PPP1R13B: variants seen among roughly 807,000 people sequenced by gnomAD.
PPP1R13B encodes the protein apoptosis-stimulating of p53 protein 1.
Under a neutral mutation model 119.8 loss-of-function variants are expected in PPP1R13B, and 44 were observed. The observed-to-expected ratio is 0.37, with a 90% confidence interval of 0.29 to 0.47. PPP1R13B has a LOEUF of 0.47. Ranked by LOEUF, PPP1R13B falls within the 20% of genes least tolerant of loss-of-function variation. The pLI is 0.99. For missense variants in PPP1R13B, 1,227 were observed against 1,413.5 expected, an observed-to-expected ratio of 0.87 and a Z score of 2.12; for synonymous variants, 542 against 561.5, an observed-to-expected ratio of 0.97 and a Z score of 0.49.
In PPP1R13B at chr14:103,762,757, C is replaced by T. The variant is rs528319547; in HGVS notation, c.355-5006G>A. The T allele has an allele frequency of 2.9e-5, 20 of 692,938 alleles. No homozygotes were observed. The Admixed American group carries it at 3.7e-4, about 13-fold the overall frequency. 42.9% of individuals were successfully genotyped at this position (692,938 alleles called of 1,614,324 possible). A position where few individuals can be genotyped will look rare whatever the true frequency, so the allele number is the denominator to read the frequency against. On this transcript the variant is annotated intron_variant, in intron 4 of 16. Transcript: ENST00000202556. ...GGTGAGACGGATGGGGGTGGAGGCG[C>T]TGCTGCTGTGGGGGCAGGTGGTGGC...
intron 4 of PPP1R13B, among the ~76,000 whole-genome samples, chr14:103,765,123 A>T (rs2084909602): frequency 6.6e-6 from 1 of 152,172 alleles, no homozygotes; most frequent in African/African-American, 2.4e-5. Context: ...CGGCCAACAC[A>T]GCTGTTCTAT....
chr14:103,835,611 TA>T (rs2152081778), intron 1 of PPP1R13B, among the ~76,000 whole-genome samples: 1 of 118,542 alleles, frequency 8.4e-6, no homozygotes, highest in Admixed American at 8.0e-5. Context: ...TATTTTTATT[TA>T]TTTATTTTTT....
chr14:103,805,740 T>G (rs2086002227), intron 1 of PPP1R13B, among the ~76,000 whole-genome samples: 1 of 152,208 alleles, frequency 6.6e-6, no homozygotes. Context: ...GGATGAACTT[T>G]GAAAATACTA....
intron 7 of PPP1R13B, among the ~76,000 whole-genome samples, chr14:103,750,970 A>G (rs544657412): frequency 6.6e-6 from 1 of 151,962 alleles, no homozygotes; most frequent in East Asian, 1.9e-4. Context: ...CCTGGCCAAC[A>G]TGGTGAAACT....
chr14:103,748,422 G>A (rs1336474978), intron 8 of PPP1R13B, among the ~76,000 whole-genome samples: 2 of 152,160 alleles, frequency 1.3e-5, no homozygotes, highest in Non-Finnish European at 2.9e-5. Flanking sequence ...ACTCCCCCTA[G>A]GCAAAGGCCT....
intron 3 of PPP1R13B, among the ~76,000 whole-genome samples, chr14:103,780,693 A>G (rs2085316718): frequency 6.6e-6 from 1 of 151,248 alleles, no homozygotes; most frequent in Non-Finnish European, 1.5e-5. Context: ...GCACACCTGT[A>G]GTCCCAGCTA....
Position 103,784,891 on chromosome 14 carries a change from T to C in PPP1R13B, c.181A>G (p.Met61Val), listed in dbSNP as rs1254224361. The change falls in exon 3 of 17, where the codon ATG becomes GTG. Residue 61 changes from methionine (M) to valine (V), a missense_variant. Transcript: ENST00000202556. ...CATTTCTGAAGATGTTCGTACATCATATGATCAAAGGGTATGGGACGTTCT... is the reference window on the plus strand; with the variant it reads ...CATTTCTGAAGATGTTCGTACATCACATGATCAAAGGGTATGGGACGTTCT... ...GNERPIPFDH[M>V]MYEHLQKWGP... 9 of 1,603,932 alleles carry C rather than the reference T, an allele frequency of 5.6e-6. No homozygotes were observed. The highest frequency in any genetic ancestry group is 7.7e-6 in the Non-Finnish European group (9 of 1,172,142).
At chr14:103,831,945 C>A (rs1427608012) in intron 1 of PPP1R13B, among the ~76,000 whole-genome samples, 3 of 151,052 alleles carry the variant, frequency 2.0e-5, no homozygotes, top group Admixed American at 1.3e-4. Context: ...CAAAAAAAAA[C>A]AACACCAAAA....
At chr14:103,798,318 A>AT (rs2085811232) in intron 1 of PPP1R13B, among the ~76,000 whole-genome samples, 1 of 151,668 alleles carries the variant, frequency 6.6e-6, no homozygotes, top group Non-Finnish European at 1.5e-5. Context: ...CGCCCGGCTA[A>AT]TTTTTTATAT....
intron 1 of PPP1R13B, among the ~76,000 whole-genome samples, chr14:103,798,628 A>G (rs923459840): frequency 6.6e-6 from 1 of 152,222 alleles, no homozygotes; most frequent in Admixed American, 6.5e-5. Context: ...ATATCACAGT[A>G]AAAGAAAAAT....
In PPP1R13B at chr14:103,770,566, C is replaced by G. The variant is rs565169710; in HGVS notation, c.354+8179G>C. Among the ~76,000 whole-genome samples the G allele has an allele frequency of 3.4e-4, 52 of 151,964 alleles. 1 individual carries two copies. In the South Asian group the frequency reaches 0.011, roughly 31 times the overall value. On this transcript the variant is annotated intron_variant, in intron 4 of 16. Transcript: ENST00000202556. ...ATTCAATTCAATACACATTTATACC[C>G]AAGGCAAGATGCTAGGAATAATTAG...
chr14:103,784,791 C>T lies in PPP1R13B; in HGVS notation c.277+4G>A, dbSNP rs1318763175. 1.3e-6 allele frequency: 2 copies of T among 1,577,962 alleles called. No homozygotes were observed. Among genetic ancestry groups the T allele is most frequent in the Admixed American group, 1.7e-5 (1 of 58,014 alleles). On this transcript the variant is annotated splice_donor_region_variant and intron_variant, in intron 3 of 16. Coordinates refer to ENST00000202556, the MANE Select transcript of PPP1R13B (RefSeq NM_015316.3). ...AACAAATGAGGAAGAAAGCAGTTAT[C>T]TACCTTGTTCACTGTTCTCAGTTGG...
chr14:103,843,384 AT>A (rs1221827245), intron 1 of PPP1R13B, among the ~76,000 whole-genome samples: 2 of 152,256 alleles, frequency 1.3e-5, no homozygotes, highest in South Asian at 2.1e-4. Flanking sequence ...AAAAAAAAAA[AT>A]AAATCATGCT....
At position 103,847,518 on chromosome 14, in the gene PPP1R13B, GGCCGCC is replaced by G. The variant is rs891656496; in HGVS notation, c.-217_-212del. 2 of 984,578 alleles carry G rather than the reference GGCCGCC, an allele frequency of 2.0e-6. No individual in the cohort carries two copies. The highest frequency in any genetic ancestry group is 2.4e-6 in the Non-Finnish European group (2 of 830,518). 61.0% of individuals were successfully genotyped at this position (984,578 alleles called of 1,614,324 possible). On this transcript the variant is annotated 5_prime_UTR_variant, in exon 1 of 17. Coordinates refer to ENST00000202556, the MANE Select transcript of PPP1R13B (RefSeq NM_015316.3). ...CGCTGCGTCGCTGTCCCGGGCACCC[GGCCGCC>G]GCCGCCGCCGCCTCAACCTCAGCCT...
intron 7 of PPP1R13B, among the ~76,000 whole-genome samples, chr14:103,751,071 T>C (rs2084532181): frequency 6.6e-6 from 1 of 152,052 alleles, no homozygotes; most frequent in South Asian, 2.1e-4. Flanking sequence ...GGAGAATCGC[T>C]TGAACCCTGG....
intron 15 of PPP1R13B, 73 bp from the exon 16 acceptor site, chr14:103,736,275 GAC>G (rs2084108875): frequency 2.0e-6 from 3 of 1,500,510 alleles, no homozygotes; most frequent in Non-Finnish European, 2.7e-6. Flanking sequence ...CGAGGAACAG[GAC>G]ACAGTCGTGC....
upstream of PPP1R13B, among the ~76,000 whole-genome samples, chr14:103,848,101 C>A (rs1285731948): frequency 1.3e-5 from 2 of 151,980 alleles, no homozygotes; most frequent in Non-Finnish European, 2.9e-5. Flanking sequence ...CGAGGCCGCG[C>A]GCTCGGAACC....
chr14:103,755,004 G>A (rs1364508527), intron 5 of PPP1R13B, among the ~76,000 whole-genome samples: 7 of 152,022 alleles, frequency 4.6e-5, no homozygotes, highest in South Asian at 2.1e-4. Flanking sequence ...GGATGGTCTC[G>A]ATCTCCTGAC....
chr14:103,748,590 G>T (rs962263404), intron 8 of PPP1R13B, among the ~76,000 whole-genome samples: 6 of 152,230 alleles, frequency 3.9e-5, no homozygotes, highest in African/African-American at 1.4e-4. Context: ...TACCACGAGG[G>T]CAGAATGCAC....
Sources: gnomAD v4.1 joint callset for allele counts (sites outside exome capture counted in the v4.1 genomes callset) on GRCh38, gnomAD v4.1.1 for gene constraint, MANE v1.5 for transcripts, NCBI Gene and HGNC (gene_info 2026-07-23, HGNC 2026-07-21) for gene names.